ACOX1: variants seen among roughly 807,000 people sequenced by gnomAD.
The protein encoded by ACOX1 is peroxisomal acyl-coenzyme A oxidase 1.
ACOX1 carries 41 observed loss-of-function variants against 75.5 expected under a neutral mutation model. The observed-to-expected ratio is 0.54, with a 90% confidence interval of 0.42 to 0.70. The LOEUF is 0.70. Among genes scored for constraint, ACOX1 ranks in the 30% least tolerant of loss-of-function variants. ACOX1 has a pLI of 0.00. For missense variants in ACOX1, 630 were observed against 837.5 expected (o/e 0.75, Z 3.06); for synonymous variants, 303 against 298.8 (o/e 1.01, Z -0.15).
At chr17:75,951,601 AAAG>A in intron 7 of ACOX1, 24 bp from the exon 8 acceptor site, 1 of 1,613,056 alleles carries the variant, frequency 6.2e-7, no homozygotes. Flanking sequence ...AAAAAGAAAA[AAAG>A]TAGTAAGTAA....
At chr17:75,968,486 G>GTA (rs990051245) in intron 2 of ACOX1, among the ~76,000 whole-genome samples, 2 of 143,542 alleles carry the variant, frequency 1.4e-5, no homozygotes, top group African/African-American at 5.3e-5. Flanking sequence ...GGTGCCAGTA[G>GTA]TACCAGCTAC....
intron 6 of ACOX1, 124 bp from the exon 7 acceptor site, chr17:75,953,744 A>G (rs906785056): frequency 3.9e-5 from 45 of 1,148,408 alleles, no homozygotes; most frequent in Middle Eastern, 5.4e-4. Context: ...ATGAAATACT[A>G]CATCTTAGTC....
intron 12 of ACOX1, 64 bp downstream of exon 12, chr17:75,949,153 C>T: frequency 6.3e-7 from 1 of 1,598,152 alleles, no homozygotes; most frequent in Non-Finnish European, 8.6e-7. Context: ...AGCCACCGTG[C>T]CCAGCCAACA....
chr17:75,951,683 C>A, intron 7 of ACOX1, 106 bp from the exon 8 acceptor site: 3 of 1,136,630 alleles, frequency 2.6e-6, no homozygotes, highest in Non-Finnish European at 3.9e-6. Context: ...TTATTTAGTC[C>A]TCTTAAGGGC....
At chr17:75,957,696 T>A in intron 3 of ACOX1, 130 bp from the exon 4 acceptor site, 1 of 671,446 alleles carries the variant, frequency 1.5e-6, no homozygotes, top group Non-Finnish European at 2.7e-6. Flanking sequence ...AAAACACCTG[T>A]AGATGAGCTA....
intron 12 of ACOX1, 24 bp downstream of exon 12, chr17:75,949,193 G>T (rs777502900): frequency 9.9e-6 from 16 of 1,613,806 alleles, no homozygotes; most frequent in East Asian, 4.5e-5. Context: ...CAACAAAAAA[G>T]ACTTATACTT....
At position 75,956,018 on chromosome 17, in the gene ACOX1, G is replaced by A. The variant is rs1038964016; in HGVS notation, c.539-71C>T. The stretch of plus-strand genomic sequence containing the variant: ...CATTTTTAAAGGGTAGAAAAAAGAA[G>A]AAAGAATATGTTAAATCTAACACTA... On this transcript the variant is annotated intron_variant, in intron 4 of 13. Transcript: ENST00000293217. The A allele has an allele frequency of 1.5e-4, 245 of 1,597,748 alleles. 4 individuals are homozygous for A. The highest frequency in any genetic ancestry group is 6.4e-4 in the South Asian group (58 of 90,248).
chr17:75,949,315 G>A lies in ACOX1; in HGVS notation c.1630C>T (p.Leu544Phe). Residue 544 changes from leucine (L) to phenylalanine (F), a missense_variant, in exon 12 of 14, where the codon CTC becomes TTC. Leu to Phe is a conservative substitution (Grantham distance 22, BLOSUM62 0). This residue lies in a region of ACOX1 where 240 missense variants were observed against 262.7 expected (regional missense o/e 0.91). Coordinates refer to ENST00000293217, the MANE Select transcript of ACOX1 (RefSeq NM_004035.7). Reference protein sequence around the residue: ...VVVKLFSEKLLKIQDKAIQAV... With the variant: ...VVVKLFSEKLFKIQDKAIQAV... Reference sequence around the variant, plus strand: ...TGAATGGCTTTATCTTGAATTTTGAGGAGTTTTTCTGAAAAGAGCTTAACT... The same window carrying A: ...TGAATGGCTTTATCTTGAATTTTGAAGAGTTTTTCTGAAAAGAGCTTAACT... The A allele has an allele frequency of 6.2e-7, 1 of 1,614,126 alleles. No individual in the cohort carries two copies. Among genetic ancestry groups the A allele is most frequent in the Non-Finnish European group, 8.5e-7 (1 of 1,180,002 alleles).
At chr17:75,972,344 A>G (rs554069132) in intron 2 of ACOX1, among the ~76,000 whole-genome samples, 2 of 134,402 alleles carry the variant, frequency 1.5e-5, no homozygotes, top group Admixed American at 7.6e-5. Flanking sequence ...AAAAAAAAAA[A>G]GGAAGGATCT....
intron 4 of ACOX1, among the ~76,000 whole-genome samples, chr17:75,956,800 T>C (rs1008398983): frequency 1.3e-5 from 2 of 149,420 alleles, no homozygotes; most frequent in African/African-American, 4.9e-5. Context: ...TGATCACAGA[T>C]AGTAGCTCAC....
At position 75,949,781 on chromosome 17, in the gene ACOX1, G is replaced by A; in HGVS notation, c.1415C>T (p.Pro472Leu). ...RIQPQQVAVW[P>L]TMVDINSPES... The stretch of plus-strand genomic sequence containing the variant: ...GGGGCTGTTGATATCCACCATGGTT[G>A]GCCAGACTGCTACCTGCTGTGGCTG... Residue 472 changes from proline (P) to leucine (L), a missense_variant, in exon 10 of 14, where the codon CCA becomes CTA. By Grantham distance (98) the Pro-to-Leu change is moderately conservative. This residue lies in a region of ACOX1 where 240 missense variants were observed against 262.7 expected (regional missense o/e 0.91). Coordinates refer to ENST00000293217, the MANE Select transcript of ACOX1 (RefSeq NM_004035.7). 1 of 1,614,112 alleles carries A rather than the reference G, an allele frequency of 6.2e-7. No homozygotes were observed. The highest frequency in any genetic ancestry group is 8.5e-7 in the Non-Finnish European group (1 of 1,180,034).
Position 75,948,393 on chromosome 17 carries a change from A to T in ACOX1, c.1793T>A (p.Leu598Gln). The change falls in exon 13 of 14, where the codon CTG (leucine) becomes CAG (glutamine). Residue 598 changes from leucine (L) to glutamine (Q), a missense_variant. This residue lies in a region of ACOX1 where 240 missense variants were observed against 262.7 expected (regional missense o/e 0.91). Coordinates refer to ENST00000293217, the MANE Select transcript of ACOX1 (RefSeq NM_004035.7). The part of the protein sequence containing the change: ...VNQRVKELLT[L>Q]IRSDAVALVD... Reference sequence around the variant, plus strand: ...CAAAGCAACAGCATCTGAGCGAATCAGAGTGAGTAACTCCTTTACACGCTG... The same window carrying T: ...CAAAGCAACAGCATCTGAGCGAATCTGAGTGAGTAACTCCTTTACACGCTG... 1 of 1,614,218 alleles carries T rather than the reference A, an allele frequency of 6.2e-7. No individual in the cohort carries two copies. The highest frequency in any genetic ancestry group is 8.5e-7 in the Non-Finnish European group (1 of 1,180,034).
intron 13 of ACOX1, among the ~76,000 whole-genome samples, chr17:75,947,841 G>A (rs1417142950): frequency 8.6e-5 from 13 of 151,492 alleles, no homozygotes; most frequent in Non-Finnish European, 4.4e-5. Flanking sequence ...GAGAATTCCC[G>A]AGTAGCTGGG....
chr17:75,975,668 G>A (rs1184521529), intron 2 of ACOX1, among the ~76,000 whole-genome samples: 1 of 152,186 alleles, frequency 6.6e-6, no homozygotes, highest in Non-Finnish European at 1.5e-5. Flanking sequence ...TCTCAGCCAG[G>A]CGCAGTGGCT....
intron 6 of ACOX1, among the ~76,000 whole-genome samples, chr17:75,954,458 G>A (rs565590932): frequency 1.4e-5 from 2 of 144,422 alleles, no homozygotes; most frequent in South Asian, 4.4e-4. Flanking sequence ...AGGAGGCGGA[G>A]GTTGCAGTGA....
chr17:75,976,134 ACAAAC>A (rs1231118932), intron 2 of ACOX1, among the ~76,000 whole-genome samples: 1 of 152,202 alleles, frequency 6.6e-6, no homozygotes, highest in African/African-American at 2.4e-5. Flanking sequence ...GGACTCATTT[ACAAAC>A]CCCTTCTCTT....
chr17:75,959,216 T>G (rs73355731), intron 3 of ACOX1, among the ~76,000 whole-genome samples: 4,714 of 152,342 alleles, frequency 0.031, 79 homozygotes, highest in Middle Eastern at 0.054. Flanking sequence ...AACCAACTTA[T>G]GTGCAATCCA....
chr17:75,957,896 G>T (rs775040915), intron 3 of ACOX1, among the ~76,000 whole-genome samples: 2 of 152,094 alleles, frequency 1.3e-5, no homozygotes, highest in African/African-American at 2.4e-5. Flanking sequence ...AATTTAACAG[G>T]GATGTTAACT....
chr17:75,976,102 C>T (rs1004211119), intron 2 of ACOX1, among the ~76,000 whole-genome samples: 3 of 152,196 alleles, frequency 2.0e-5, no homozygotes, highest in Non-Finnish European at 4.4e-5. Flanking sequence ...GGCTTTAACT[C>T]GATAGCATGC....
Sources: gnomAD v4.1 joint callset for allele counts (sites outside exome capture counted in the v4.1 genomes callset) on GRCh38, gnomAD v4.1.1 for gene constraint, gnomAD v4.1.1 regional missense constraint, MANE v1.5 for transcripts, NCBI Gene and HGNC (gene_info 2026-07-23, HGNC 2026-07-21) for gene names.